The following ACAT1 variants were observed in gnomAD, a reference collection of about 807,000 sequenced individuals.
ACAT1 encodes the protein acetyl-CoA acetyltransferase, mitochondrial.
In ACAT1, 28 loss-of-function variants were observed where a neutral mutation model predicts 47.3. The ratio of observed to expected loss-of-function variants is 0.59; its 90% CI spans 0.44 to 0.81. The LOEUF is 0.81. Ranked by LOEUF, ACAT1 falls within the 30% of genes least tolerant of loss-of-function variation. The pLI, the probability that ACAT1 is intolerant of heterozygous loss-of-function variation, is 0.00. For missense variants in ACAT1, 469 were observed against 524.3 expected (o/e 0.89, Z 1.03); for synonymous variants, 181 against 173.6 (o/e 1.04, Z -0.34).
upstream of ACAT1, among the ~76,000 whole-genome samples, chr11:108,117,696 CAGA>C (rs773002146): frequency 3.5e-4 from 54 of 152,248 alleles, 1 homozygote; most frequent in Admixed American, 1.4e-3. Flanking sequence ...CTAAGTTTGA[CAGA>C]AGTTGTTCGT....
At chr11:108,139,121 C>A in intron 6 of ACAT1, 80 bp downstream of exon 6, 1 of 1,556,156 alleles carries the variant, frequency 6.4e-7, no homozygotes, top group Non-Finnish European at 8.8e-7. Flanking sequence ...ACTTTACAAA[C>A]TGAACTGAAA....
rs115481262 is a variant in ACAT1 at position 108,132,124 on chromosome 11, A to C, written c.120+170A>C. On this transcript the variant is annotated intron_variant, in intron 2 of 11. Transcript: ENST00000265838. Reference sequence around the variant, plus strand: ...TTAAAGTAGATGACTATAATAGAAAAACATGTCAGTTAGTCTCTGCCAATG... The same window carrying C: ...TTAAAGTAGATGACTATAATAGAAACACATGTCAGTTAGTCTCTGCCAATG... 3.1e-3 allele frequency among the ~76,000 whole-genome samples: 470 copies of C among 152,338 alleles called. 4 individuals carry two copies. Among genetic ancestry groups the C allele is most frequent in the African/African-American group, 0.01 (417 of 41,582 alleles).
Position 108,133,912 on chromosome 11 carries a change from A to C in ACAT1, c.213A>C (p.Ala71=), listed in dbSNP as rs758176568. ...LLPATKLGSI[A]IQGAIEKAGI... ...CAGCCACTAAGCTTGGTTCCATTGC[A>C]ATTCAGGGAGCCATTGAAAAGGCAG... The change falls in exon 3 of 12, where the codon GCA becomes GCC. Residue 71 remains alanine, a synonymous_variant. Coordinates refer to ENST00000265838, the MANE Select transcript of ACAT1 (RefSeq NM_000019.4). The C allele has an allele frequency of 6.2e-7, 1 of 1,614,082 alleles. No individual in the cohort carries two copies. The highest frequency in any genetic ancestry group is 8.5e-7 in the Non-Finnish European group (1 of 1,180,000).
chr11:108,122,939 A>G (rs1311704622), intron 1 of ACAT1, among the ~76,000 whole-genome samples: 2 of 152,188 alleles, frequency 1.3e-5, no homozygotes, highest in Non-Finnish European at 2.9e-5. Context: ...AGATCTTACA[A>G]TCAGGTTGGT....
intron 2 of ACAT1, among the ~76,000 whole-genome samples, chr11:108,133,194 AT>A: frequency 6.6e-6 from 1 of 152,262 alleles, no homozygotes; most frequent in Admixed American, 6.5e-5. Flanking sequence ...CAAATTACAT[AT>A]AAAAAAAGAA....
intron 1 of ACAT1, among the ~76,000 whole-genome samples, chr11:108,126,245 C>CA (rs1477807020): frequency 1.3e-5 from 2 of 152,150 alleles, no homozygotes; most frequent in Non-Finnish European, 2.9e-5. Context: ...TCAAGTGATC[C>CA]ACCTGCCTCG....
Position 108,140,051 on chromosome 11 carries a change from C to CA in ACAT1, c.580-12dup. The CA allele has an allele frequency of 6.2e-7, 1 of 1,610,296 alleles. No individual in the cohort carries two copies. Among genetic ancestry groups the CA allele is most frequent in the Non-Finnish European group, 8.5e-7 (1 of 1,177,786 alleles). On this transcript the variant is annotated splice_polypyrimidine_tract_variant and intron_variant, in intron 6 of 11. Transcript: ENST00000265838. ...ATGCAAAGTTAACTTTAAAATATTT[C>CA]AACTTTTTATCAGGGCAGCTGTGCT...
chr11:108,140,798 T>G, intron 7 of ACAT1, among the ~76,000 whole-genome samples: 1 of 152,170 alleles, frequency 6.6e-6, no homozygotes, highest in East Asian at 1.9e-4. Flanking sequence ...CAGGAATGAT[T>G]ACTGTGCTCT....
intron 1 of ACAT1, among the ~76,000 whole-genome samples, chr11:108,123,453 G>C (rs1252560853): frequency 6.6e-6 from 1 of 152,054 alleles, no homozygotes; most frequent in African/African-American, 2.4e-5. Flanking sequence ...CATTACATTG[G>C]CTCTTTTCCC....
intron 10 of ACAT1, among the ~76,000 whole-genome samples, chr11:108,145,733 A>G (rs1021570736): frequency 6.6e-6 from 1 of 151,944 alleles, no homozygotes; most frequent in African/African-American, 2.4e-5. Flanking sequence ...ATATAATGGA[A>G]TAAGATGAGC....
At chr11:108,118,254 A>G (rs2055252889), upstream of ACAT1, among the ~76,000 whole-genome samples, 2 of 152,232 alleles carry the variant, frequency 1.3e-5, no homozygotes, top group African/African-American at 2.4e-5. Context: ...GTGTCTACCA[A>G]AATACTAGTA....
upstream of ACAT1, among the ~76,000 whole-genome samples, chr11:108,119,559 C>T (rs540220885): frequency 3.0e-4 from 45 of 152,274 alleles, 1 homozygote; most frequent in South Asian, 9.1e-3. Flanking sequence ...CCTCTCACAA[C>T]TGGTAATCTC....
chr11:108,124,306 C>T (rs1428269295), intron 1 of ACAT1, among the ~76,000 whole-genome samples: 1 of 152,136 alleles, frequency 6.6e-6, no homozygotes, highest in Non-Finnish European at 1.5e-5. Flanking sequence ...TCTTGTTGCC[C>T]AGGCTGGAGT....
At chr11:108,127,443 T>C (rs1565284542) in intron 1 of ACAT1, among the ~76,000 whole-genome samples, 1 of 152,008 alleles carries the variant, frequency 6.6e-6, no homozygotes, top group Admixed American at 6.6e-5. Flanking sequence ...TTTGTTTTTG[T>C]ATTTTTAGTA....
At position 108,147,453 on chromosome 11, in the gene ACAT1, A is replaced by G. The variant is rs1262992196; in HGVS notation, c.*63A>G. Reference sequence around the variant, plus strand: ...CAGAAGGCCTGCTGTAATCAGTGTGACTACTGTGGGTCAGCTTATATTCAG... The same window carrying G: ...CAGAAGGCCTGCTGTAATCAGTGTGGCTACTGTGGGTCAGCTTATATTCAG... On this transcript the variant is annotated 3_prime_UTR_variant, in exon 12 of 12. Coordinates refer to ENST00000265838, the MANE Select transcript of ACAT1 (RefSeq NM_000019.4). 1.3e-5 allele frequency: 21 copies of G among 1,596,706 alleles called. No homozygotes were observed. The highest frequency in any genetic ancestry group is 1.7e-5 in the Non-Finnish European group (20 of 1,168,130).
chr11:108,138,691 C>T (rs1185199245), intron 5 of ACAT1: 1 of 602,636 alleles, frequency 1.7e-6, no homozygotes, highest in Non-Finnish European at 2.9e-6. Context: ...GCCACTGCAC[C>T]CAGCCAACTT....
At position 108,140,121 on chromosome 11, in the gene ACAT1, C is replaced by T. The variant is rs759659537; in HGVS notation, c.636C>T (p.Asp212=). The T allele has an allele frequency of 1.8e-5, 29 of 1,613,944 alleles. No homozygotes were observed. Among genetic ancestry groups the T allele is most frequent in the African/African-American group, 6.7e-5 (5 of 74,926 alleles). Residue 212 remains aspartate (D), a synonymous_variant, in exon 7 of 12, where the codon GAC becomes GAT. Transcript: ENST00000265838. ...TGAATATTGCACGAAATGAACAGGA[C>T]GCTTATGCTATTAATTCTTATACCA... is the stretch of plus-strand genomic sequence containing the variant. ...KKLNIARNEQ[D]AYAINSYTRS... is the part of the protein sequence containing the mutation.
chr11:108,121,589 A>T lies in ACAT1; in HGVS notation c.-18A>T, dbSNP rs2077147715. On this transcript the variant is annotated 5_prime_UTR_variant, in exon 1 of 12. Coordinates refer to ENST00000265838, the MANE Select transcript of ACAT1 (RefSeq NM_000019.4). ...GCTAGTCTACGCCTGTGGAGCCGAT[A>T]CTCAGCCCTCTGCGACCATGGCTGT... 4 of 1,549,930 alleles carry T rather than the reference A, an allele frequency of 2.6e-6. No homozygotes were observed. The highest frequency in any genetic ancestry group is 1.7e-6 in the Non-Finnish European group (2 of 1,146,752).
At chr11:108,143,960 C>A (rs757763812) in intron 9 of ACAT1, 23 bp from the exon 10 acceptor site, 41 of 916,604 alleles carry the variant, frequency 4.5e-5, no homozygotes, top group South Asian at 6.0e-5. Flanking sequence ...TTTAACAACC[C>A]CCCCCCCCCT....
Sources: allele counts gnomAD v4.1 joint callset (sites outside exome capture counted in the v4.1 genomes callset), GRCh38; gene constraint gnomAD v4.1.1; transcripts MANE v1.5; gene names NCBI Gene and HGNC (gene_info 2026-07-23, HGNC 2026-07-21).